CSMD1: variants seen among roughly 807,000 people sequenced by gnomAD.
CSMD1 encodes CUB and sushi domain-containing protein 1.
Under a neutral mutation model 417.5 loss-of-function variants are expected in CSMD1, and 213 were observed. The observed-to-expected ratio is 0.51, with a 90% confidence interval of 0.46 to 0.57. The LOEUF (loss-of-function observed/expected upper bound fraction) is 0.57, where lower values mean the gene tolerates loss of function less well. Ranked by LOEUF, CSMD1 falls within the 20% of genes least tolerant of loss-of-function variation. The probability of loss-of-function intolerance (pLI) is 0.00; values close to 1 mark genes in which losing one functional copy is unlikely to be tolerated. For missense variants in CSMD1, 6,923 were observed against 4,529.7 expected (o/e 1.53, Z -15.17); for synonymous variants, 2,862 against 1,736.8 (o/e 1.65, Z -16.11).
chr8:3,882,588 T>C (rs1259248080), intron 5 of CSMD1, among the ~76,000 whole-genome samples: 1 of 152,190 alleles, frequency 6.6e-6, no homozygotes, highest in Non-Finnish European at 1.5e-5. Flanking sequence ...GCTAGAATGT[T>C]CATAGTAGCA....
At chr8:4,076,748 G>C (rs1214828033) in intron 3 of CSMD1, among the ~76,000 whole-genome samples, 1 of 152,048 alleles carries the variant, frequency 6.6e-6, no homozygotes, top group Non-Finnish European at 1.5e-5. Flanking sequence ...ACCCACCCTG[G>C]GGAATGACCT....
At chr8:3,957,974 C>G (rs1022991520) in intron 5 of CSMD1, among the ~76,000 whole-genome samples, 1 of 152,074 alleles carries the variant, frequency 6.6e-6, no homozygotes, top group Non-Finnish European at 1.5e-5. Flanking sequence ...AATATTTTTA[C>G]TTTCTTTTTG....
chr8:4,756,769 A>G (rs1296648108), intron 1 of CSMD1, among the ~76,000 whole-genome samples: 1 of 152,212 alleles, frequency 6.6e-6, no homozygotes, highest in Admixed American at 6.5e-5. Context: ...CCTGGGAGTC[A>G]TCTTGGGCAT....
intron 3 of CSMD1, among the ~76,000 whole-genome samples, chr8:4,071,946 A>C (rs1480214201): frequency 6.6e-6 from 1 of 152,152 alleles, no homozygotes; most frequent in African/African-American, 2.4e-5. Flanking sequence ...CTGCAGCCAC[A>C]GTGTGGGGCT....
intron 39 of CSMD1, among the ~76,000 whole-genome samples, chr8:3,156,663 G>GA (rs1819555073): frequency 6.6e-6 from 1 of 151,928 alleles, no homozygotes; most frequent in Non-Finnish European, 1.5e-5. Context: ...GCAATATTTG[G>GA]AAAAAATAAA....
At chr8:4,209,476 G>A (rs371470680) in intron 3 of CSMD1, among the ~76,000 whole-genome samples, 20 of 152,214 alleles carry the variant, frequency 1.3e-4, no homozygotes, top group East Asian at 1.2e-3. Context: ...GCTAGTTCCC[G>A]AACACTTCCC....
intron 1 of CSMD1, among the ~76,000 whole-genome samples, chr8:4,659,977 T>C (rs111983306): frequency 0.028 from 4,315 of 151,936 alleles, 193 homozygotes; most frequent in African/African-American, 0.098. Flanking sequence ...TTTCCTCAAA[T>C]TGGTAAGGAG....
At chr8:3,383,195 T>C (rs1810750200) in intron 18 of CSMD1, among the ~76,000 whole-genome samples, 1 of 152,258 alleles carries the variant, frequency 6.6e-6, no homozygotes, top group Non-Finnish European at 1.5e-5. Context: ...TTATAGATCA[T>C]GGTGATGCTT....
rs1288047191 is a variant in CSMD1, at chr8:4,814,763, G to T, written c.86-177205C>A. Among the ~76,000 whole-genome samples, 3 of 151,956 alleles carry T rather than the reference G, an allele frequency of 2.0e-5. No homozygotes were observed. In the East Asian group the frequency reaches 5.8e-4, roughly 29 times the overall value. On this transcript the variant is annotated intron_variant, in intron 1 of 69. Transcript: ENST00000635120. ...GTCCTAACATTGAGATCATTGATAA[G>T]GAAATGTTCTAAAATTTCAAAATCT...
intron 5 of CSMD1, among the ~76,000 whole-genome samples, chr8:3,953,946 C>G (rs755236737): frequency 5.9e-5 from 9 of 152,210 alleles, no homozygotes; most frequent in East Asian, 5.8e-4. Flanking sequence ...GGCTCTGGGT[C>G]TCGCCTTAGG....
intron 5 of CSMD1, among the ~76,000 whole-genome samples, chr8:3,978,257 C>T (rs904862967): frequency 6.6e-6 from 1 of 152,148 alleles, no homozygotes; most frequent in African/African-American, 2.4e-5. Context: ...GCAGAGGTGA[C>T]CTGACATGGG....
chr8:3,981,500 T>TAAAAAAAAA (rs200296436), intron 5 of CSMD1, among the ~76,000 whole-genome samples: 74 of 115,052 alleles, frequency 6.4e-4, no homozygotes, highest in Admixed American at 1.2e-3. Flanking sequence ...TAGAAAAAAG[T>TAAAAAAAAA]AAAAAAAAAA....
chr8:4,856,483 T>G (rs201605305), intron 1 of CSMD1, among the ~76,000 whole-genome samples: 1,799 of 117,394 alleles, frequency 0.015, 45 homozygotes, highest in Middle Eastern at 0.051. Flanking sequence ...ATTGGATAAA[T>G]AGTCAACACC....
At chr8:4,703,993 G>C (rs1226530208) in intron 1 of CSMD1, among the ~76,000 whole-genome samples, 1 of 152,188 alleles carries the variant, frequency 6.6e-6, no homozygotes. Context: ...TTCATGCTAT[G>C]AGAATCTAAT....
chr8:3,317,791 G>T (rs1330764867), intron 23 of CSMD1, among the ~76,000 whole-genome samples: 1 of 152,094 alleles, frequency 6.6e-6, no homozygotes. Flanking sequence ...GTAAAATAAA[G>T]TTGCTACTGT....
chr8:3,613,762 A>G (rs1200366778), intron 8 of CSMD1, among the ~76,000 whole-genome samples: 1 of 151,414 alleles, frequency 6.6e-6, no homozygotes, highest in East Asian at 1.9e-4. Flanking sequence ...AAACAGAAGG[A>G]TACTTCCTCA....
At chr8:4,131,328 T>C (rs1485230675) in intron 3 of CSMD1, among the ~76,000 whole-genome samples, 1 of 152,168 alleles carries the variant, frequency 6.6e-6, no homozygotes, top group Non-Finnish European at 1.5e-5. Flanking sequence ...CTGACTGTGC[T>C]TTCATCTTCC....
chr8:3,394,135 C>T (rs959904906), intron 17 of CSMD1, among the ~76,000 whole-genome samples: 78 of 142,152 alleles, frequency 5.5e-4, no homozygotes, highest in African/African-American at 1.8e-3. Flanking sequence ...CGAAGCCTGC[C>T]CTCTACTTTT....
intron 5 of CSMD1, among the ~76,000 whole-genome samples, chr8:3,802,886 T>G (rs928158382): frequency 1.3e-5 from 2 of 152,166 alleles, no homozygotes. Context: ...TTAAAAAGAA[T>G]AGTTTGATTT....
Sources: gnomAD v4.1 joint callset for allele counts (sites outside exome capture counted in the v4.1 genomes callset) on GRCh38, gnomAD v4.1.1 for gene constraint, MANE v1.5 for transcripts, NCBI Gene and HGNC (gene_info 2026-07-23, HGNC 2026-07-21) for gene names.